Variants in VCAN observed in about 807,000 individuals in gnomAD.
VCAN encodes the protein versican.
A neutral mutation model predicts 245.5 loss-of-function variants in VCAN; 44 were observed. The observed-to-expected ratio is 0.18, with a 90% CI of 0.14 to 0.23. The LOEUF is 0.23. VCAN is among the 10% of genes least tolerant of loss of function. The pLI, the probability that VCAN is intolerant of heterozygous loss-of-function variation, is 1.00. For synonymous variants in VCAN, 1,413 were observed against 1,437.0 expected, an observed-to-expected ratio of 0.98 and a Z score of 0.38; for missense variants, 3,793 against 4,057.9, an observed-to-expected ratio of 0.93 and a Z score of 1.77.
At chr5:83,482,393 CA>C (rs34503709) in intron 1 of VCAN, among the ~76,000 whole-genome samples, 39,253 of 152,074 alleles carry the variant, frequency 0.26, 6,318 homozygotes, top group Non-Finnish European at 0.37. Context: ...CAAATCCAAT[CA>C]TTGGAAAAGG....
At chr5:83,577,528 G>A (rs892957573) in intron 13 of VCAN, among the ~76,000 whole-genome samples, 1 of 152,124 alleles carries the variant, frequency 6.6e-6, no homozygotes, top group South Asian at 2.1e-4. Flanking sequence ...CAAATTTGTG[G>A]TGTGTCTTCC....
At chr5:83,499,588 C>T (rs901867618) in intron 5 of VCAN, among the ~76,000 whole-genome samples, 1 of 141,700 alleles carries the variant, frequency 7.1e-6, no homozygotes, top group Non-Finnish European at 1.5e-5. Flanking sequence ...TTGTATTTCT[C>T]CTCTCACTCT....
At chr5:83,481,974 GT>G (rs1277421661) in intron 1 of VCAN, among the ~76,000 whole-genome samples, 3 of 152,136 alleles carry the variant, frequency 2.0e-5, no homozygotes, top group African/African-American at 7.2e-5. Flanking sequence ...TTCCAATGAA[GT>G]TTTTCAGGGT....
In VCAN at chr5:83,538,450, G is replaced by A; in HGVS notation, c.5447G>A (p.Gly1816Glu). 2 of 1,613,902 alleles carry A rather than the reference G, an allele frequency of 1.2e-6. No homozygotes were observed. The highest frequency in any genetic ancestry group is 1.1e-5 in the South Asian group (1 of 91,068). Residue 1816 changes from glycine to glutamate, a missense_variant, in exon 8 of 15, where the codon GGG becomes GAG. Gly to Glu is a moderately conservative substitution (Grantham distance 98). Transcript: ENST00000265077. ...TTEHSSIHQP[G>E]VQEGLTTLPR... ...GAGCACAGCAGTATCCATCAACCTG[G>A]GGTTCAGGAAGGGCTGACCACTCTC...
intron 5 of VCAN, 146 bp downstream of exon 5, chr5:83,494,077 A>G: frequency 7.4e-7 from 1 of 1,343,076 alleles, no homozygotes; most frequent in East Asian, 2.4e-5. Flanking sequence ...TTTTGTGGTA[A>G]AATAAGCCGA....
At chr5:83,555,364 G>T (rs958926968) in intron 12 of VCAN, among the ~76,000 whole-genome samples, 3 of 152,118 alleles carry the variant, frequency 2.0e-5, no homozygotes, top group Non-Finnish European at 4.4e-5. Flanking sequence ...AAAAAGAGAA[G>T]AATAAAATGT....
At chr5:83,545,278 C>T (rs1747160492) in intron 8 of VCAN, among the ~76,000 whole-genome samples, 1 of 152,076 alleles carries the variant, frequency 6.6e-6, no homozygotes, top group African/African-American at 2.4e-5. Context: ...TATTAGTTGC[C>T]AGATACAGTA....
intron 1 of VCAN, among the ~76,000 whole-genome samples, chr5:83,481,799 T>C (rs1001491343): frequency 6.6e-6 from 1 of 152,310 alleles, no homozygotes; most frequent in African/African-American, 2.4e-5. Flanking sequence ...TTTCAAAATA[T>C]ATAAAGAAAT....
Position 83,520,751 on chromosome 5 carries a change from A to G in VCAN, c.2445A>G (p.Leu815=), listed in dbSNP as rs1304533964. The change falls in exon 7 of 15, where the codon TTA becomes TTG. Residue 815 remains leucine, a synonymous_variant. Coordinates refer to ENST00000265077, the MANE Select transcript of VCAN (RefSeq NM_004385.5). ...AAGATAATACAACATCCAAGCCTTT[A>G]GAGTCTACAGAACCTTCAGCCTCTT... The part of the protein sequence containing the change: ...WDEDNTTSKP[L]ESTEPSASSK... 2 of 1,614,170 alleles carry G rather than the reference A, an allele frequency of 1.2e-6. No homozygotes were observed. Among genetic ancestry groups the G allele is most frequent in the South Asian group, 2.2e-5 (2 of 91,086 alleles).
chr5:83,489,854 G>T, intron 2 of VCAN, among the ~76,000 whole-genome samples: 1 of 150,130 alleles, frequency 6.7e-6, no homozygotes, highest in African/African-American at 2.5e-5. Context: ...TAAACACTAA[G>T]TTAAAAAATT....
Position 83,540,013 on chromosome 5 carries a change from G to A in VCAN, c.7010G>A (p.Ser2337Asn), listed in dbSNP as rs772149513. 1.2e-6 allele frequency: 2 copies of A among 1,613,970 alleles called. No homozygotes were observed. The highest frequency in any genetic ancestry group is 2.7e-5 in the African/African-American group (2 of 74,908). ...AGCACAACATTAATAGAAATTTTAAGTGACACTGGAGCAGAAGGACCCACG... is the reference window on the plus strand; with the variant it reads ...AGCACAACATTAATAGAAATTTTAAATGACACTGGAGCAGAAGGACCCACG... Reference protein sequence around the residue: ...VTSTTLIEILSDTGAEGPTVA... With the variant: ...VTSTTLIEILNDTGAEGPTVA... The change falls in exon 8 of 15, where the codon AGT becomes AAT. Residue 2337 changes from serine to asparagine, a missense_variant. Ser to Asn is a conservative substitution (Grantham distance 46). This residue lies in a region of VCAN where 3,182 missense variants were observed against 3,250.3 expected (regional missense o/e 0.98). Transcript: ENST00000265077.
At position 83,521,181 on chromosome 5, in the gene VCAN, A is replaced by T. The variant is rs78164236; in HGVS notation, c.2875A>T (p.Ser959Cys). The change falls in exon 7 of 15, where the codon AGC becomes TGC. Residue 959 changes from serine (S) to cysteine (C), a missense_variant. Transcript: ENST00000265077. ...AGGATTAGCATTTGTTAGTTATAGT[A>T]GCACCCAAGAGCCTACTACTTATGT... ...VEGLAFVSYS[S>C]TQEPTTYVDS... is the part of the protein sequence containing the mutation. The T allele has an allele frequency of 9.2e-4, 1,483 of 1,613,474 alleles. 7 individuals carry two copies. In the African/African-American group the frequency reaches 0.018, roughly 19 times the overall value.
At chr5:83,564,681 GT>G (rs71605860) in intron 12 of VCAN, among the ~76,000 whole-genome samples, 132 of 102,932 alleles carry the variant, frequency 1.3e-3, no homozygotes, top group Middle Eastern at 9.6e-3. Flanking sequence ...TTTTTTAGAT[GT>G]TTTTTTTTTT....
intron 12 of VCAN, among the ~76,000 whole-genome samples, chr5:83,561,624 C>T (rs1747869734): frequency 6.6e-6 from 1 of 152,056 alleles, no homozygotes; most frequent in Non-Finnish European, 1.5e-5. Context: ...AATCCAGAGG[C>T]TCCTTCTTCT....
chr5:83,573,204 T>C (rs946369864), intron 13 of VCAN, among the ~76,000 whole-genome samples: 25 of 152,120 alleles, frequency 1.6e-4, no homozygotes, highest in Non-Finnish European at 2.4e-4. Flanking sequence ...GACCGACTTC[T>C]TTTTTTATTT....
chr5:83,577,793 C>T (rs557193465), intron 13 of VCAN, among the ~76,000 whole-genome samples: 1 of 152,250 alleles, frequency 6.6e-6, no homozygotes, highest in Non-Finnish European at 1.5e-5. Flanking sequence ...ACTACACTTT[C>T]CCTCTGCTCT....
At chr5:83,559,237 T>C (rs556967594) in intron 12 of VCAN, among the ~76,000 whole-genome samples, 113 of 152,316 alleles carry the variant, frequency 7.4e-4, no homozygotes, top group African/African-American at 2.7e-3. Context: ...GACTTTAAAG[T>C]TCTTTCTTAA....
intron 6 of VCAN, among the ~76,000 whole-genome samples, chr5:83,518,184 T>C (rs894649127): frequency 6.6e-6 from 1 of 152,170 alleles, no homozygotes; most frequent in Non-Finnish European, 1.5e-5. Flanking sequence ...TCAGGACAGT[T>C]CTTTTGAGTT....
chr5:83,484,735 A>C (rs1338836057), intron 2 of VCAN, among the ~76,000 whole-genome samples: 1 of 152,254 alleles, frequency 6.6e-6, no homozygotes, highest in Non-Finnish European at 1.5e-5. Flanking sequence ...GCAATAAACA[A>C]GTAAACAAAC....
Sources: allele counts gnomAD v4.1 joint callset (sites outside exome capture counted in the v4.1 genomes callset), GRCh38; gene constraint gnomAD v4.1.1; regional missense constraint gnomAD v4.1.1; transcripts MANE v1.5; gene names NCBI Gene and HGNC (gene_info 2026-07-23, HGNC 2026-07-21).